RCC1L: variants seen among roughly 807,000 people sequenced by gnomAD.
RCC1L encodes the protein RCC1 like, also known as RCC1-like G exchanging factor-like protein.
Under a neutral mutation model 58.6 loss-of-function variants are expected in RCC1L, and 46 were observed. The observed-to-expected ratio is 0.79, with a 90% confidence interval of 0.62 to 1.00. RCC1L has a LOEUF of 1.00. RCC1L is among the 50% of genes least tolerant of loss of function. RCC1L has a pLI of 0.00. For missense variants in RCC1L, 636 were observed against 623.6 expected (o/e 1.02, Z -0.21); for synonymous variants, 281 against 262.9 (o/e 1.07, Z -0.67).
intron 8 of RCC1L, chr7:75,056,566 A>C (rs926083101): frequency 1.4e-5 from 22 of 1,531,702 alleles, no homozygotes; most frequent in East Asian, 4.9e-5. Context: ...TTTCATCGTT[A>C]TCCAAAGCTG....
At chr7:75,064,074 G>A (rs1387203894) in intron 4 of RCC1L, among the ~76,000 whole-genome samples, 2 of 152,204 alleles carry the variant, frequency 1.3e-5, no homozygotes, top group African/African-American at 2.4e-5. Flanking sequence ...GCTCATGCCT[G>A]TAATCCCAGC....
At chr7:75,058,813 A>C in intron 6 of RCC1L, 44 bp from the exon 7 acceptor site, 1 of 1,611,674 alleles carries the variant, frequency 6.2e-7, no homozygotes, top group East Asian at 2.2e-5. Flanking sequence ...TCGCTCTTTT[A>C]ACAAACACAT....
At chr7:75,027,738 CT>C in exon 11 of RCC1L, 1 of 449,826 alleles carries the variant, frequency 2.2e-6, no homozygotes, top group Non-Finnish European at 4.0e-6. Context: ...CAGGGGGCCC[CT>C]TTAGTTTTCC....
chr7:75,073,373 GAA>G, intron 1 of RCC1L, 39 bp downstream of exon 1: 1 of 921,370 alleles, frequency 1.1e-6, no homozygotes, highest in Non-Finnish European at 1.5e-6. Flanking sequence ...CGGGAGCGCG[GAA>G]GAGAGAGAAG....
At chr7:75,059,617 C>T (rs1238684028) in intron 6 of RCC1L, among the ~76,000 whole-genome samples, 3 of 151,806 alleles carry the variant, frequency 2.0e-5, no homozygotes, top group Non-Finnish European at 4.4e-5. Context: ...CACTATGTTG[C>T]CCAGGCTGGT....
Position 75,063,347 on chromosome 7 carries a change from C to A in RCC1L, c.651-4G>T. 6.2e-7 allele frequency: 1 copy of A among 1,613,828 alleles called. No individual in the cohort carries two copies. Among genetic ancestry groups the A allele is most frequent in the Non-Finnish European group, 8.5e-7 (1 of 1,179,834 alleles). On this transcript the variant is annotated splice_polypyrimidine_tract_variant and splice_region_variant and intron_variant, in intron 4 of 10. Transcript: ENST00000610322. ...CCTGTGGACTCTGTGACTTTCACTA[C>A]AGCCAGGAACAAATTGGGAAGAAGC...
In RCC1L at chr7:75,062,898, A is replaced by C. The variant is rs970217730; in HGVS notation, c.702+394T>G. On this transcript the variant is annotated intron_variant, in intron 5 of 10. Transcript: ENST00000610322. Reference sequence around the variant, plus strand: ...ATTGCAGCCTCCACCTCCCAGGTTCAAGCAATTCCTGTGCCTCAGCCTCCT... The same window carrying C: ...ATTGCAGCCTCCACCTCCCAGGTTCCAGCAATTCCTGTGCCTCAGCCTCCT... 4.9e-3 allele frequency among the ~76,000 whole-genome samples: 747 copies of C among 152,176 alleles called. 7 individuals are homozygous for C. The highest frequency in any genetic ancestry group is 0.017 in the African/African-American group (697 of 41,514).
chr7:75,068,558 C>A (rs1378568239), intron 2 of RCC1L, among the ~76,000 whole-genome samples: 1 of 151,568 alleles, frequency 6.6e-6, no homozygotes, highest in African/African-American at 2.4e-5. Flanking sequence ...TGATGGCGGG[C>A]GCCTGTAGTA....
intron 7 of RCC1L, among the ~76,000 whole-genome samples, 187 bp downstream of exon 7, chr7:75,058,401 G>C (rs927202454): frequency 6.6e-6 from 1 of 151,288 alleles, no homozygotes. Context: ...GCTAATTTTT[G>C]TATTTTTTTG....
chr7:75,048,950 A>G (rs1375381630), intron 10 of RCC1L, among the ~76,000 whole-genome samples: 1 of 152,168 alleles, frequency 6.6e-6, no homozygotes, highest in East Asian at 1.9e-4. Context: ...TCTCTGAGGG[A>G]TGAGTCTCAA....
chr7:75,062,185 T>A (rs1554444556), intron 5 of RCC1L, among the ~76,000 whole-genome samples: 1 of 151,800 alleles, frequency 6.6e-6, no homozygotes, highest in East Asian at 1.9e-4. Context: ...AGAAACTATC[T>A]TGGAGATGTC....
rs781836499 is a variant in RCC1L, at chr7:75,073,643, G to A, written c.95C>T (p.Ser32Phe). 13 of 1,480,064 alleles carry A rather than the reference G, an allele frequency of 8.8e-6. No homozygotes were observed. Among genetic ancestry groups the A allele is most frequent in the South Asian group, 1.3e-5 (1 of 77,206 alleles). The allele number at this position is 1,480,064 out of a possible 1,614,324, so 91.7% of individuals were successfully genotyped here. Reference sequence around the variant, plus strand: ...TTCTGCCGCTTCGCGCCGGCTCCGGGAGCGCCCGGCCGCCGTCCAGTGCCC... The same window carrying A: ...TTCTGCCGCTTCGCGCCGGCTCCGGAAGCGCCCGGCCGCCGTCCAGTGCCC... ...GRGHWTAAGR[S>F]RSRREAAEAE... Residue 32 changes from serine (S) to phenylalanine (F), a missense_variant, in exon 1 of 11, where the codon TCC (serine) becomes TTC (phenylalanine). By Grantham distance (155) the Ser-to-Phe change is radical. Transcript: ENST00000610322.
chr7:75,060,937 G>A (rs1174994820), intron 6 of RCC1L, among the ~76,000 whole-genome samples: 2 of 152,058 alleles, frequency 1.3e-5, no homozygotes, highest in Non-Finnish European at 2.9e-5. Flanking sequence ...AGCTGGGCTT[G>A]GTGGCTCACA....
chr7:75,043,621 TG>T (rs1279107123), intron 10 of RCC1L, among the ~76,000 whole-genome samples: 30 of 152,248 alleles, frequency 2.0e-4, no homozygotes, highest in African/African-American at 6.5e-4. Context: ...CTCAGCACTT[TG>T]GGAGGCCAAG....
In RCC1L at chr7:75,042,840, C is replaced by A. The variant is rs907469288; in HGVS notation, c.*192G>T. 2.8e-6 allele frequency: 4 copies of A among 1,447,840 alleles called. No homozygotes were observed. Among genetic ancestry groups the A allele is most frequent in the Non-Finnish European group, 9.1e-7 (1 of 1,096,684 alleles). The allele number at this position is 1,447,840 out of a possible 1,614,324, so 89.7% of individuals were successfully genotyped here. On this transcript the variant is annotated 3_prime_UTR_variant, in exon 11 of 11. Coordinates refer to ENST00000610322, the MANE Select transcript of RCC1L (RefSeq NM_030798.5). ...AGCTGAGTTCCGCAGGCCTCACCTG[C>A]AGCTGGAGAGGGACCTTGCCCTGAT...
chr7:75,062,518 C>T (rs1806307872), intron 5 of RCC1L, among the ~76,000 whole-genome samples: 1 of 152,154 alleles, frequency 6.6e-6, no homozygotes, highest in Admixed American at 6.6e-5. Context: ...TAAAAAATTT[C>T]CAAATAAAAC....
intron 10 of RCC1L, among the ~76,000 whole-genome samples, chr7:75,048,657 C>T (rs1043628266): frequency 1.9e-4 from 29 of 152,346 alleles, no homozygotes; most frequent in African/African-American, 6.3e-4. Flanking sequence ...AAAGCCAGGG[C>T]GCTCCCTGGG....
At chr7:75,070,398 C>G (rs1262204398) in intron 2 of RCC1L, among the ~76,000 whole-genome samples, 1 of 151,962 alleles carries the variant, frequency 6.6e-6, no homozygotes, top group Non-Finnish European at 1.5e-5. Context: ...TAGTGAAACC[C>G]CAACTCTACT....
intron 1 of RCC1L, 119 bp from the exon 2 acceptor site, chr7:75,070,888 G>T: frequency 7.4e-7 from 1 of 1,345,490 alleles, no homozygotes; most frequent in Non-Finnish European, 1.0e-6. Context: ...TTTTGTTTTT[G>T]TTTTTGAGAC....
Sources: gnomAD v4.1 joint callset for allele counts (sites outside exome capture counted in the v4.1 genomes callset) on GRCh38, gnomAD v4.1.1 for gene constraint, MANE v1.5 for transcripts, NCBI Gene and HGNC (gene_info 2026-07-23, HGNC 2026-07-21) for gene names.